The following LRRN1 variants were observed in gnomAD, a reference collection of about 807,000 sequenced individuals.
LRRN1 encodes the protein leucine rich repeat neuronal 1, also known as leucine-rich repeat neuronal protein 1.
In LRRN1, 14 loss-of-function variants were observed where a neutral mutation model predicts 45.8. That is an observed-to-expected ratio of 0.31 (90% confidence interval 0.20 to 0.48). The LOEUF is 0.48. Ranked by LOEUF, LRRN1 falls within the 20% of genes least tolerant of loss-of-function variation. The pLI, the probability that LRRN1 is intolerant of heterozygous loss-of-function variation, is 0.99. For missense variants in LRRN1, 789 were observed against 874.2 expected, an observed-to-expected ratio of 0.90 and a Z score of 1.23; for synonymous variants, 359 against 330.1, an observed-to-expected ratio of 1.09 and a Z score of -0.95.
intron 1 of LRRN1, among the ~76,000 whole-genome samples, chr3:3,838,763 C>T (rs1277132869): frequency 1.3e-5 from 2 of 151,994 alleles, no homozygotes; most frequent in South Asian, 4.1e-4. Flanking sequence ...ATTTGCATTT[C>T]TCTTATGATT....
At position 3,845,953 on chromosome 3, in the gene LRRN1, G is replaced by C. The variant is rs749641811; in HGVS notation, c.1312G>C (p.Asp438His). Residue 438 changes from aspartate to histidine, a missense_variant, in exon 2 of 2, where the codon GAT (aspartate) becomes CAT (histidine). Asp to His is a moderately conservative substitution (Grantham distance 81, BLOSUM62 -1). Transcript: ENST00000319331. The surrounding 1 kb of genome is among the most constrained non-coding windows in gnomAD (Gnocchi z 6.5). ...CAGCTTCCCAAATCGTTTAAACGTG[G>C]ATATCGGCACGACGGTTTTCCTAGA... ...HDSFPNRLNVDIGTTVFLDCR... is the reference protein window; with the variant it reads ...HDSFPNRLNVHIGTTVFLDCR... 6.2e-7 allele frequency: 1 copy of C among 1,614,110 alleles called. No homozygotes were observed. Among genetic ancestry groups the C allele is most frequent in the South Asian group, 1.1e-5 (1 of 91,070 alleles).
intron 1 of LRRN1, among the ~76,000 whole-genome samples, chr3:3,839,561 G>T (rs916270259): frequency 6.6e-6 from 1 of 152,092 alleles, no homozygotes; most frequent in Non-Finnish European, 1.5e-5. Context: ...TCTGTAGATT[G>T]TTTTGGGTGT....
At chr3:3,841,509 G>A (rs1693653288) in intron 1 of LRRN1, among the ~76,000 whole-genome samples, 1 of 151,442 alleles carries the variant, frequency 6.6e-6, no homozygotes, top group Non-Finnish European at 1.5e-5. Context: ...TATTCTCTGT[G>A]GTATGTTTTC....
chr3:3,813,350 G>C (rs1692920238), intron 1 of LRRN1, among the ~76,000 whole-genome samples: 1 of 152,196 alleles, frequency 6.6e-6, no homozygotes, highest in African/African-American at 2.4e-5. Flanking sequence ...TCAACACTGA[G>C]TTAGCATTTT....
intron 1 of LRRN1, among the ~76,000 whole-genome samples, chr3:3,809,981 T>C (rs1692842457): frequency 1.3e-5 from 2 of 152,222 alleles, no homozygotes; most frequent in South Asian, 2.1e-4. Context: ...AGACTAGATA[T>C]TTTATGAAGT....
chr3:3,835,440 A>T (rs1269993065), intron 1 of LRRN1, among the ~76,000 whole-genome samples: 1 of 152,114 alleles, frequency 6.6e-6, no homozygotes, highest in Non-Finnish European at 1.5e-5. Flanking sequence ...AAAGTCAAAA[A>T]ATTGTAAGTT....
rs371763239 is a variant in LRRN1, at chr3:3,845,943, T to C, written c.1302T>C (p.Arg434=). The change falls in exon 2 of 2, where the codon CGT becomes CGC. Residue 434 remains arginine, a synonymous_variant. Transcript: ENST00000319331. This position sits in a 1 kb window ranked among gnomAD's most constrained non-coding sequence, Gnocchi z 6.5. ...TATCTCACGACAGCTTCCCAAATCG[T>C]TTAAACGTGGATATCGGCACGACGG... The part of the protein sequence containing the change: ...PMISHDSFPN[R]LNVDIGTTVF... 23 of 1,613,928 alleles carry C rather than the reference T, an allele frequency of 1.4e-5. No individual in the cohort carries two copies. Among genetic ancestry groups the C allele is most frequent in the Non-Finnish European group, 1.9e-5 (23 of 1,179,974 alleles).
chr3:3,845,888 A>C lies in LRRN1; in HGVS notation c.1247A>C (p.Gln416Pro). ...CACCAGGTGAAGGAAGTTTTAATCC[A>C]GGATTCGAGTGAACAGTGCCTCCCA... ...KGHQVKEVLI[Q>P]DSSEQCLPMI... Residue 416 changes from glutamine to proline, a missense_variant, in exon 2 of 2, where the codon CAG (glutamine) becomes CCG (proline). Physicochemically the swap from Gln to Pro is moderately conservative, Grantham distance 76. Coordinates refer to ENST00000319331, the MANE Select transcript of LRRN1 (RefSeq NM_020873.7). The surrounding 1 kb of genome is among the most constrained non-coding windows in gnomAD (Gnocchi z 6.5). The C allele has an allele frequency of 6.2e-7, 1 of 1,614,126 alleles. No individual in the cohort carries two copies. Among genetic ancestry groups the C allele is most frequent in the Non-Finnish European group, 8.5e-7 (1 of 1,180,016 alleles).
intron 1 of LRRN1, among the ~76,000 whole-genome samples, chr3:3,803,423 CTTAAAATTTA>C (rs1692696028): frequency 6.6e-6 from 1 of 152,132 alleles, no homozygotes. Flanking sequence ...ACAATGCTTA[CTTAAAATTTA>C]TTTTTAAGTT....
intron 1 of LRRN1, among the ~76,000 whole-genome samples, chr3:3,815,469 T>C (rs1418852869): frequency 6.6e-6 from 1 of 152,200 alleles, no homozygotes; most frequent in Non-Finnish European, 1.5e-5. Flanking sequence ...AGAAACCTAC[T>C]TACTAGCCAC....
chr3:3,807,358 T>C (rs534595271), intron 1 of LRRN1, among the ~76,000 whole-genome samples: 1 of 152,342 alleles, frequency 6.6e-6, no homozygotes, highest in South Asian at 2.1e-4. Context: ...TTTTCTGTTT[T>C]CATTGATTTT....
chr3:3,821,831 T>G (rs1427267706), intron 1 of LRRN1, among the ~76,000 whole-genome samples: 1 of 152,170 alleles, frequency 6.6e-6, no homozygotes, highest in African/African-American at 2.4e-5. Context: ...GAAAGCACAT[T>G]TGAATTGATT....
At chr3:3,844,340 C>A in intron 1 of LRRN1, 24 bp from the exon 2 acceptor site, 1 of 294,778 alleles carries the variant, frequency 3.4e-6, no homozygotes. Flanking sequence ...ATAAGCATAA[C>A]ATCTGTCCTA....
rs146704537 is a variant in LRRN1 at position 3,822,441 on chromosome 3, G to A, written c.-278-21923G>A. Reference sequence around the variant, plus strand: ...CCTGTAGCTTACTATTTACATCCTTGCATCCTAAATCACTGAGATGGATAT... The same window carrying A: ...CCTGTAGCTTACTATTTACATCCTTACATCCTAAATCACTGAGATGGATAT... On this transcript the variant is annotated intron_variant, in intron 1 of 1. Transcript: ENST00000319331. Among the ~76,000 whole-genome samples, 454 of 152,258 alleles carry A rather than the reference G, an allele frequency of 3.0e-3. 4 individuals carry two copies. Among genetic ancestry groups the A allele is most frequent in the African/African-American group, 0.01 (428 of 41,554 alleles).
chr3:3,805,640 G>A (rs984800701), intron 1 of LRRN1, among the ~76,000 whole-genome samples: 8 of 152,194 alleles, frequency 5.3e-5, no homozygotes, highest in Non-Finnish European at 1.0e-4. Flanking sequence ...TCTGGGTACA[G>A]CCCCTACCTT....
chr3:3,823,478 A>C (rs1023231791), intron 1 of LRRN1, among the ~76,000 whole-genome samples: 1 of 152,202 alleles, frequency 6.6e-6, no homozygotes, highest in Admixed American at 6.5e-5. Context: ...TTCAGGACAT[A>C]AATTAATTTT....
intron 1 of LRRN1, among the ~76,000 whole-genome samples, chr3:3,803,046 C>A (rs535668803): frequency 1.3e-5 from 2 of 152,308 alleles, no homozygotes; most frequent in South Asian, 4.1e-4. Flanking sequence ...CCAGATCCAA[C>A]TGCAGACTGT....
intron 1 of LRRN1, among the ~76,000 whole-genome samples, chr3:3,843,573 C>T (rs545877430): frequency 2.0e-5 from 3 of 151,680 alleles, no homozygotes; most frequent in East Asian, 1.9e-4. Context: ...CACTGTACCC[C>T]CCCCCATACC....
At chr3:3,826,414 G>A (rs143205299) in intron 1 of LRRN1, among the ~76,000 whole-genome samples, 9 of 152,276 alleles carry the variant, frequency 5.9e-5, no homozygotes, top group African/African-American at 1.9e-4. Flanking sequence ...CGTCCAGAAA[G>A]TTTATGCTGA....
Sources: allele counts gnomAD v4.1 joint callset (sites outside exome capture counted in the v4.1 genomes callset), GRCh38; gene constraint gnomAD v4.1.1; non-coding constraint Gnocchi (gnomAD v3.1); transcripts MANE v1.5; gene names NCBI Gene and HGNC (gene_info 2026-07-23, HGNC 2026-07-21).